GJC1: variants seen among roughly 807,000 people sequenced by gnomAD.
GJC1 encodes gap junction protein gamma 1.
Under a neutral mutation model 29.3 loss-of-function variants are expected in GJC1, and 5 were observed. The ratio of observed to expected loss-of-function variants is 0.17; its 90% CI spans 0.09 to 0.36. GJC1 has a LOEUF of 0.36. GJC1 is among the 10% of genes least tolerant of loss of function. GJC1 has a pLI of 1.00. For missense variants in GJC1, 310 were observed against 496.2 expected (o/e 0.62, Z 3.56); for synonymous variants, 177 against 183.3 (o/e 0.97, Z 0.28).
rs2049890732 is a variant in GJC1, at chr17:44,804,667, C to T, written c.1151G>A (p.Ser384Asn). ...GGTCTTCCCATCCCCTGATTTGCTA[C>T]TGGCAGTGCTTTTGTTGGACCCAGC... ...SKAGSNKSTA[S>N]SKSGDGKTSV... Residue 384 changes from serine to asparagine, a missense_variant, in exon 3 of 3, where the codon AGT (serine) becomes AAT (asparagine). Physicochemically the swap from Ser to Asn is conservative, Grantham distance 46. Transcript: ENST00000592524. 2 of 1,613,998 alleles carry T rather than the reference C, an allele frequency of 1.2e-6. No homozygotes were observed. The highest frequency in any genetic ancestry group is 1.7e-6 in the Non-Finnish European group (2 of 1,179,908).
In GJC1 at chr17:44,804,755, C is replaced by T; in HGVS notation, c.1063G>A (p.Ala355Thr). The T allele has an allele frequency of 1.2e-6, 2 of 1,614,214 alleles. No homozygotes were observed. Among genetic ancestry groups the T allele is most frequent in the Non-Finnish European group, 1.7e-6 (2 of 1,180,038 alleles). Residue 355 changes from alanine (A) to threonine (T), a missense_variant, in exon 3 of 3, where the codon GCC becomes ACC. Physicochemically the swap from Ala to Thr is moderately conservative, Grantham distance 58 (BLOSUM62 0). This residue lies in a region of GJC1 where 146 missense variants were observed against 165.0 expected (regional missense o/e 0.88). Transcript: ENST00000592524. ...AQERLDLAVQ[A>T]YSHQNNPHGP... is the part of the protein sequence containing the mutation. ...TGAGGGTTGTTTTGGTGACTGTAGG[C>T]CTGAACTGCCAGATCCAAGCGTTCC...
At chr17:44,806,461 G>A (rs140194529) in intron 2 of GJC1, among the ~76,000 whole-genome samples, 6 of 148,564 alleles carry the variant, frequency 4.0e-5, no homozygotes, top group African/African-American at 7.5e-5. Context: ...GTGCAGTGGC[G>A]TGATCTTGGC....
chr17:44,809,115 G>A (rs914638311), intron 1 of GJC1, among the ~76,000 whole-genome samples: 2 of 152,068 alleles, frequency 1.3e-5, no homozygotes, highest in Non-Finnish European at 2.9e-5. Context: ...AAAGAATCCA[G>A]CTGGGCATGG....
In GJC1 at chr17:44,803,704, G is replaced by A. The variant is rs1015506348; in HGVS notation, c.*923C>T. On this transcript the variant is annotated 3_prime_UTR_variant, in exon 3 of 3. Coordinates refer to ENST00000592524, the MANE Select transcript of GJC1 (RefSeq NM_005497.4). Reference sequence around the variant, plus strand: ...GGAAGCGGGCAGGTTTCTGGATAGAGGCTTAAGGCAAATCAAACAGGTTCA... The same window carrying A: ...GGAAGCGGGCAGGTTTCTGGATAGAAGCTTAAGGCAAATCAAACAGGTTCA... 1 of 152,186 alleles carries A rather than the reference G, an allele frequency of 6.6e-6. No homozygotes were observed. Among genetic ancestry groups the A allele is most frequent in the Non-Finnish European group, 1.5e-5 (1 of 68,038 alleles). The allele number at this position is 152,186 out of a possible 1,614,324, so 9.4% of individuals were successfully genotyped here.
At position 44,804,468 on chromosome 17, in the gene GJC1, C is replaced by A; in HGVS notation, c.*159G>T. 1.6e-6 allele frequency: 1 copy of A among 607,852 alleles called. No individual in the cohort carries two copies. The highest frequency in any genetic ancestry group is 2.2e-5 in the South Asian group (1 of 45,814). The allele number at this position is 607,852 out of a possible 1,614,324, so 37.7% of individuals were successfully genotyped here. ...ACACTGTGTTTCCCTTTCTCTCCCT[C>A]AGCCCAGCCCCGCCTCCAGAGTCCC... On this transcript the variant is annotated 3_prime_UTR_variant, in exon 3 of 3. Transcript: ENST00000592524.
chr17:44,805,476 G>C lies in GJC1; in HGVS notation c.342C>G (p.Ser114Arg). ...HGEADKKAAR[S>R]KPYAMRWKQH... ...GTTTCCAGCGCATTGCATAGGGCTT[G>C]CTCCGAGCTGCCTTCTTGTCTGCTT... Residue 114 changes from serine (S) to arginine (R), a missense_variant, in exon 3 of 3, where the codon AGC (serine) becomes AGG (arginine). Ser to Arg is a moderately radical substitution (Grantham distance 110, BLOSUM62 -1). This residue lies in a region of GJC1 where 82 missense variants were observed against 100.7 expected (regional missense o/e 0.81). Coordinates refer to ENST00000592524, the MANE Select transcript of GJC1 (RefSeq NM_005497.4). This position sits in a 1 kb window ranked among gnomAD's most constrained non-coding sequence, Gnocchi z 5.1. The C allele has an allele frequency of 6.2e-7, 1 of 1,614,102 alleles. No homozygotes were observed. Among genetic ancestry groups the C allele is most frequent in the South Asian group, 1.1e-5 (1 of 91,074 alleles).
At chr17:44,818,273 A>C (rs2050066230) in intron 1 of GJC1, among the ~76,000 whole-genome samples, 1 of 152,198 alleles carries the variant, frequency 6.6e-6, no homozygotes, top group South Asian at 2.1e-4. Flanking sequence ...TACATTTCAG[A>C]GTTTAAGATC....
rs952364605 is a variant in GJC1 at position 44,814,763 on chromosome 17, C to T, written c.-96-7294G>A. Among the ~76,000 whole-genome samples, 11 of 152,024 alleles carry T rather than the reference C, an allele frequency of 7.2e-5. No homozygotes were observed. The South Asian group carries it at 1.7e-3, about 23-fold the overall frequency. On this transcript the variant is annotated intron_variant, in intron 1 of 2. Coordinates refer to ENST00000592524, the MANE Select transcript of GJC1 (RefSeq NM_005497.4). ...TTCAAGACCAGCCTGGCCAACATGGCGAAACCCCATCTCTACTAAAAATAC... is the reference window on the plus strand; with the variant it reads ...TTCAAGACCAGCCTGGCCAACATGGTGAAACCCCATCTCTACTAAAAATAC...
downstream of GJC1, among the ~76,000 whole-genome samples, chr17:44,795,724 G>A (rs2049779116): frequency 6.6e-6 from 1 of 152,222 alleles, no homozygotes; most frequent in Admixed American, 6.5e-5. Context: ...TACAGCTGAA[G>A]CCCCAGTGGG....
intron 1 of GJC1, among the ~76,000 whole-genome samples, chr17:44,826,167 C>A (rs534302338): frequency 6.6e-6 from 1 of 152,260 alleles, no homozygotes; most frequent in East Asian, 1.9e-4. Context: ...GGTGATCCAC[C>A]CGCCTTGGCC....
At chr17:44,817,721 A>C (rs564576871) in intron 1 of GJC1, among the ~76,000 whole-genome samples, 1 of 151,810 alleles carries the variant, frequency 6.6e-6, no homozygotes, top group South Asian at 2.1e-4. Context: ...AAAAAAACCC[A>C]AAAACCAAAA....
At chr17:44,828,455 A>C (rs1011594997) in intron 1 of GJC1, among the ~76,000 whole-genome samples, 2 of 152,260 alleles carry the variant, frequency 1.3e-5, no homozygotes, top group African/African-American at 4.8e-5. Context: ...TTTAAGTAGT[A>C]AATAATATTA....
At chr17:44,812,519 C>A (rs1455075904) in intron 1 of GJC1, among the ~76,000 whole-genome samples, 3 of 152,036 alleles carry the variant, frequency 2.0e-5, no homozygotes, top group Admixed American at 1.3e-4. Context: ...CAAACAAACA[C>A]ACACAAAAAA....
intron 1 of GJC1, among the ~76,000 whole-genome samples, chr17:44,829,356 A>C (rs1395602887): frequency 6.6e-6 from 1 of 152,158 alleles, no homozygotes; most frequent in Non-Finnish European, 1.5e-5. Context: ...TTAATTTTGA[A>C]GCTAGAGACT....
chr17:44,829,606 C>T (rs959768013), intron 1 of GJC1: 1 of 152,066 alleles, frequency 6.6e-6, no homozygotes, highest in African/African-American at 2.4e-5. Context: ...GGATCGAGGT[C>T]GGGGAGACAA....
intron 1 of GJC1, among the ~76,000 whole-genome samples, chr17:44,814,241 T>C (rs76620487): frequency 0.029 from 4,402 of 151,790 alleles, 91 homozygotes; most frequent in Middle Eastern, 0.051. Flanking sequence ...CCCAGGTTCA[T>C]GCCATTCTCC....
In GJC1 at chr17:44,804,018, A is replaced by C. The variant is rs1307826694; in HGVS notation, c.*609T>G. On this transcript the variant is annotated 3_prime_UTR_variant, in exon 3 of 3. Coordinates refer to ENST00000592524, the MANE Select transcript of GJC1 (RefSeq NM_005497.4). ...AATGAGATTCAAAGATTTCTCACAT[A>C]AAAGAAAGATCTCAACCTCCTTCTA... 1 of 152,218 alleles carries C rather than the reference A, an allele frequency of 6.6e-6. No homozygotes were observed. Among genetic ancestry groups the C allele is most frequent in the East Asian group, 1.9e-4 (1 of 5,204 alleles). 9.4% of individuals were successfully genotyped at this position (152,218 alleles called of 1,614,324 possible).
chr17:44,805,474 T>C lies in GJC1; in HGVS notation c.344A>G (p.Lys115Arg). ...GEADKKAARSKPYAMRWKQHR... is the reference protein window; with the variant it reads ...GEADKKAARSRPYAMRWKQHR... ...TTGTTTCCAGCGCATTGCATAGGGC[T>C]TGCTCCGAGCTGCCTTCTTGTCTGC... Residue 115 changes from lysine (K) to arginine (R), a missense_variant, in exon 3 of 3, where the codon AAG (lysine) becomes AGG (arginine). Physicochemically the swap from Lys to Arg is conservative, Grantham distance 26. Around this residue, in one of 4 missense-constraint regions of GJC1, gnomAD observed 82 missense variants for 100.7 expected, o/e 0.81. Coordinates refer to ENST00000592524, the MANE Select transcript of GJC1 (RefSeq NM_005497.4). The surrounding 1 kb of genome is among the most constrained non-coding windows in gnomAD (Gnocchi z 5.1). 1 of 1,614,182 alleles carries C rather than the reference T, an allele frequency of 6.2e-7. No homozygotes were observed. Among genetic ancestry groups the C allele is most frequent in the South Asian group, 1.1e-5 (1 of 91,078 alleles).
At chr17:44,798,182 C>T (rs546404142), downstream of GJC1, among the ~76,000 whole-genome samples, 1 of 152,126 alleles carries the variant, frequency 6.6e-6, no homozygotes, top group African/African-American at 2.4e-5. Context: ...ACAGTAGTCC[C>T]AGAAGAGCTT....
Sources: gnomAD v4.1 joint callset for allele counts (sites outside exome capture counted in the v4.1 genomes callset) on GRCh38, gnomAD v4.1.1 for gene constraint, gnomAD v4.1.1 regional missense constraint, Gnocchi (gnomAD v3.1) non-coding constraint, MANE v1.5 for transcripts, NCBI Gene and HGNC (gene_info 2026-07-23, HGNC 2026-07-21) for gene names.